NDST3: variants seen among roughly 807,000 people sequenced by gnomAD.
NDST3 encodes bifunctional heparan sulfate N-deacetylase/N-sulfotransferase 3.
NDST3 carries 58 observed loss-of-function variants against 96.1 expected under a neutral mutation model. That is an observed-to-expected ratio of 0.60 (90% CI 0.49 to 0.75). NDST3 has a LOEUF of 0.75. NDST3 is among the 30% of genes least tolerant of loss of function. The probability of loss-of-function intolerance (pLI) is 0.00; values close to 1 mark genes in which losing one functional copy is unlikely to be tolerated. For synonymous variants in NDST3, 333 were observed against 359.7 expected (o/e 0.93, Z 0.84); for missense variants, 788 against 1,034.2 (o/e 0.76, Z 3.27).
At chr4:118,120,140 T>TA (rs1731439052) in intron 4 of NDST3, among the ~76,000 whole-genome samples, 1 of 152,204 alleles carries the variant, frequency 6.6e-6, no homozygotes, top group South Asian at 2.1e-4. Flanking sequence ...ACGTTTCTTC[T>TA]AGCTCTTAAG....
At chr4:118,113,403 C>T (rs4240317) in intron 3 of NDST3, among the ~76,000 whole-genome samples, 128,715 of 152,178 alleles carry the variant, frequency 0.85, 56,233 homozygotes, top group South Asian at 0.96. Flanking sequence ...CTTAAGCATG[C>T]GAAAGTGAAA....
intron 9 of NDST3, among the ~76,000 whole-genome samples, chr4:118,234,181 G>A (rs960575816): frequency 4.6e-5 from 7 of 152,162 alleles, no homozygotes; most frequent in African/African-American, 1.7e-4. Flanking sequence ...GGAGGCTAAA[G>A]TGGGTGGATC....
intron 6 of NDST3, among the ~76,000 whole-genome samples, chr4:118,180,048 A>G (rs972137082): frequency 6.6e-6 from 1 of 151,926 alleles, no homozygotes; most frequent in Non-Finnish European, 1.5e-5. Flanking sequence ...ATAGAGGGGG[A>G]GTGGAGGAAG....
intron 2 of NDST3, among the ~76,000 whole-genome samples, chr4:118,064,433 G>A (rs910323104): frequency 6.6e-6 from 1 of 151,886 alleles, no homozygotes; most frequent in Non-Finnish European, 1.5e-5. Context: ...TTAAAATCAT[G>A]ATGTTAATAT....
intron 3 of NDST3, among the ~76,000 whole-genome samples, chr4:118,109,044 G>A (rs1289637249): frequency 1.3e-5 from 2 of 152,128 alleles, no homozygotes; most frequent in Non-Finnish European, 2.9e-5. Context: ...TATGTGAAGT[G>A]AGAACTTTCT....
chr4:118,177,965 A>G (rs964862927), intron 6 of NDST3, among the ~76,000 whole-genome samples: 1 of 151,988 alleles, frequency 6.6e-6, no homozygotes, highest in African/African-American at 2.4e-5. Context: ...AACAATGAGA[A>G]ATAAAGTTGG....
intron 7 of NDST3, among the ~76,000 whole-genome samples, chr4:118,225,079 G>A (rs1053117658): frequency 3.3e-5 from 5 of 152,166 alleles, no homozygotes; most frequent in African/African-American, 1.2e-4. Flanking sequence ...GAAGAGTTCA[G>A]AACTGACATC....
At chr4:118,063,994 T>C (rs914846238) in intron 2 of NDST3, among the ~76,000 whole-genome samples, 24 of 152,196 alleles carry the variant, frequency 1.6e-4, no homozygotes, top group African/African-American at 5.8e-4. Flanking sequence ...TGATGGGTTG[T>C]ATCTAAAGCT....
chr4:118,161,504 T>C (rs1735129215), intron 6 of NDST3, among the ~76,000 whole-genome samples: 1 of 152,198 alleles, frequency 6.6e-6, no homozygotes, highest in Admixed American at 6.5e-5. Flanking sequence ...GCAGGCCTCC[T>C]TGAGCTGTGG....
At chr4:118,108,920 T>C (rs1169126243) in intron 3 of NDST3, among the ~76,000 whole-genome samples, 1 of 152,224 alleles carries the variant, frequency 6.6e-6, no homozygotes, top group Non-Finnish European at 1.5e-5. Flanking sequence ...ATGTTTGACT[T>C]TGTTTTATGA....
At chr4:118,076,887 A>G (rs1727589511) in intron 2 of NDST3, among the ~76,000 whole-genome samples, 1 of 152,212 alleles carries the variant, frequency 6.6e-6, no homozygotes, top group East Asian at 1.9e-4. Flanking sequence ...GAGTTATCAG[A>G]GTTTGTGCAC....
intron 1 of NDST3, among the ~76,000 whole-genome samples, chr4:118,036,570 G>A (rs1002269354): frequency 6.6e-6 from 1 of 152,038 alleles, no homozygotes; most frequent in Admixed American, 6.6e-5. Context: ...CAAAAGTAAC[G>A]ACCTACATTA....
chr4:118,256,904 T>C lies in NDST3; in HGVS notation c.*1192T>C, dbSNP rs996884883. The C allele has an allele frequency of 6.6e-6, 1 of 152,136 alleles. No individual in the cohort carries two copies. Among genetic ancestry groups the C allele is most frequent in the Non-Finnish European group, 1.5e-5 (1 of 68,020 alleles). The allele number at this position is 152,136 out of a possible 1,614,324, so 9.4% of individuals were successfully genotyped here. A position where few individuals can be genotyped will look rare whatever the true frequency, so the allele number is the denominator to read the frequency against. On this transcript the variant is annotated 3_prime_UTR_variant, in exon 14 of 14. Transcript: ENST00000296499. ...ACTTTTGATATAAGGCAAAGAAACA[T>C]AAGCAGAGCAGAGGCCCATTTTTGA...
In NDST3 at chr4:118,114,845, G is replaced by C; in HGVS notation, c.1109G>C (p.Gly370Ala). 6.2e-7 allele frequency: 1 copy of C among 1,614,022 alleles called. No individual in the cohort carries two copies. The highest frequency in any genetic ancestry group is 8.5e-7 in the Non-Finnish European group (1 of 1,179,966). The change falls in exon 4 of 14, where the codon GGG becomes GCG. Residue 370 changes from glycine to alanine, a missense_variant. Around this residue, in one of 3 missense-constraint regions of NDST3, gnomAD observed 490 missense variants for 708.8 expected, o/e 0.69. Transcript: ENST00000296499. ...EEDEGDDCLL[G>A]SVDEFWWFPH... is the part of the protein sequence containing the mutation. ...GATGAAGGAGATGACTGTCTGTTGG[G>C]GTCTGTGGATGAGTTCTGGTGGTTT...
chr4:118,214,082 AAAGAGG>A (rs148982729), intron 6 of NDST3, among the ~76,000 whole-genome samples: 2,382 of 152,290 alleles, frequency 0.016, 53 homozygotes, highest in African/African-American at 0.054. Context: ...GTGGAGATAC[AAAGAGG>A]AAGTAGTCAC....
rs540867086 is a variant in NDST3 at position 118,171,289 on chromosome 4, T to A, written c.1539+27605T>A. Among the ~76,000 whole-genome samples the A allele has an allele frequency of 2.6e-5, 4 of 152,258 alleles. No individual in the cohort carries two copies. The South Asian group carries it at 8.3e-4, about 32-fold the overall frequency. On this transcript the variant is annotated intron_variant, in intron 6 of 13. Transcript: ENST00000296499. ...TACAAATTTGGGCCAGGAGAGGCAA[T>A]CCTGGCAAGGAAATTTTTTTAAAAA...
chr4:118,125,470 G>A (rs564695339), intron 4 of NDST3, among the ~76,000 whole-genome samples: 61 of 152,118 alleles, frequency 4.0e-4, no homozygotes, highest in Admixed American at 1.9e-3. Context: ...TAGAGAAATA[G>A]TTAGTGGTCA....
At chr4:118,119,043 A>G (rs1352978655) in intron 4 of NDST3, among the ~76,000 whole-genome samples, 1 of 152,180 alleles carries the variant, frequency 6.6e-6, no homozygotes, top group Non-Finnish European at 1.5e-5. Context: ...ATGCTTTTAT[A>G]GACAATACTA....
At chr4:118,106,871 G>C (rs187807951) in intron 3 of NDST3, among the ~76,000 whole-genome samples, 1 of 151,938 alleles carries the variant, frequency 6.6e-6, no homozygotes, top group African/African-American at 2.4e-5. Flanking sequence ...CGGGTGGATC[G>C]CGAGGTCAGG....
Sources: allele counts gnomAD v4.1 joint callset (sites outside exome capture counted in the v4.1 genomes callset), GRCh38; gene constraint gnomAD v4.1.1; regional missense constraint gnomAD v4.1.1; transcripts MANE v1.5; gene names NCBI Gene and HGNC (gene_info 2026-07-23, HGNC 2026-07-21).